The following EVC2 variants were observed in gnomAD, a reference collection of about 807,000 sequenced individuals.
EVC2 encodes the protein EvC ciliary complex subunit 2.
A neutral mutation model predicts 149.3 loss-of-function variants in EVC2; 148 were observed. The observed-to-expected ratio is 0.99, with a 90% CI of 0.87 to 1.14. The LOEUF is 1.14. Among genes scored for constraint, EVC2 ranks in the 50% most tolerant of loss-of-function variants. The probability of loss-of-function intolerance (pLI) is 0.00; values close to 1 mark genes in which losing one functional copy is unlikely to be tolerated. For synonymous variants in EVC2, 776 were observed against 649.9 expected (o/e 1.19, Z -2.95); for missense variants, 1,854 against 1,627.3 (o/e 1.14, Z -2.40).
chr4:5,663,016 G>T, intron 9 of EVC2, 91 bp downstream of exon 9: 1 of 1,516,882 alleles, frequency 6.6e-7, no homozygotes, highest in Non-Finnish European at 9.1e-7. Flanking sequence ...TTAACTGAAT[G>T]AATGAAATAT....
At chr4:5,533,474 G>C in the EVC2 span, among the ~76,000 whole-genome samples, 91 of 152,316 alleles carry the variant, frequency 6.0e-4, no homozygotes, top group African/African-American at 2.1e-3. Context: ...TCAGGGCATA[G>C]AAAGGAACGT....
intron 11 of EVC2, among the ~76,000 whole-genome samples, chr4:5,631,160 C>T (rs778844564): frequency 6.6e-6 from 1 of 152,196 alleles, no homozygotes; most frequent in Non-Finnish European, 1.5e-5. Flanking sequence ...TACACAAATC[C>T]ATCCAAGTAT....
At chr4:5,565,120 T>G in intron 21 of EVC2, 138 bp downstream of exon 21, 1 of 787,780 alleles carries the variant, frequency 1.3e-6, no homozygotes, top group Admixed American at 1.9e-5. Flanking sequence ...TGAATAAAGA[T>G]TTGTGGTCTT....
chr4:5,704,101 T>C (rs1227092829), intron 1 of EVC2, among the ~76,000 whole-genome samples: 1 of 151,922 alleles, frequency 6.6e-6, no homozygotes, highest in East Asian at 1.9e-4. Context: ...CCGTGATGAG[T>C]GGCATAATAG....
intron 12 of EVC2, among the ~76,000 whole-genome samples, 174 bp downstream of exon 12, chr4:5,628,385 C>A (rs1716274287): frequency 6.6e-6 from 1 of 152,134 alleles, no homozygotes; most frequent in African/African-American, 2.4e-5. Context: ...TGCCCTTCCA[C>A]CATGTTATGA....
rs1722350740 is a variant in EVC2, at chr4:5,708,343, C to A, written c.171G>T (p.Gly57=). The A allele has an allele frequency of 1.3e-6, 2 of 1,485,350 alleles. No individual in the cohort carries two copies. The highest frequency in any genetic ancestry group is 1.5e-5 in the African/African-American group (1 of 68,550). 92.0% of individuals were successfully genotyped at this position (1,485,350 alleles called of 1,614,324 possible). Reference sequence around the variant, plus strand: ...GCCCCGGAGGGATCCTCAGGCCGGGCCCAGACCTAGGAGCCACCTGGGGAT... The same window carrying A: ...GCCCCGGAGGGATCCTCAGGCCGGGACCAGACCTAGGAGCCACCTGGGGAT... ...PRDPQVAPRS[G]PGLRIPPGRS... The change falls in exon 1 of 22, where the codon GGG becomes GGT. Residue 57 remains glycine (G), a synonymous_variant. Transcript: ENST00000344408.
chr4:5,677,766 T>G lies in EVC2; in HGVS notation c.870+3494A>C, dbSNP rs974866959. Among the ~76,000 whole-genome samples the G allele has an allele frequency of 6.6e-6, 1 of 152,204 alleles. No individual in the cohort carries two copies. The highest frequency in any genetic ancestry group is 1.5e-5 in the Non-Finnish European group (1 of 68,040). ...TTTACCTGTTGAGTGCCACCTACAA[T>G]GTACCGCACAGTGGGGGACACAGGC... On this transcript the variant is annotated intron_variant, in intron 7 of 21. Coordinates refer to ENST00000344408, the MANE Select transcript of EVC2 (RefSeq NM_147127.5). The surrounding 1 kb of genome is among the most constrained non-coding windows in gnomAD (Gnocchi z 4.3).
At position 5,706,425 on chromosome 4, in the gene EVC2, GATAC is replaced by G. The variant is rs1560243744; in HGVS notation, c.228+1857_228+1860del. ...AGATAGATAGATACATAGATAGATAGATACATAGATAGATAGATAGATACATACA... is the reference window on the plus strand; with the variant it reads ...AGATAGATAGATACATAGATAGATAGATAGATAGATAGATAGATACATACA... On this transcript the variant is annotated intron_variant, in intron 1 of 21. Transcript: ENST00000344408. Among the ~76,000 whole-genome samples the G allele has an allele frequency of 1.3e-4, 11 of 84,104 alleles. 2 individuals carry two copies. The highest frequency in any genetic ancestry group is 4.3e-4 in the South Asian group (1 of 2,340). The allele number at this position is 84,104 out of a possible 152,430, so 55.2% of individuals were successfully genotyped here.
In EVC2 at chr4:5,627,315, T is replaced by C. The variant is rs527818833; in HGVS notation, c.1886+1244A>G. 5.3e-5 allele frequency among the ~76,000 whole-genome samples: 8 copies of C among 152,254 alleles called. No individual in the cohort carries two copies. In the South Asian group the frequency reaches 1.7e-3, roughly 31 times the overall value. On this transcript the variant is annotated intron_variant, in intron 12 of 21. Coordinates refer to ENST00000344408, the MANE Select transcript of EVC2 (RefSeq NM_147127.5). The stretch of plus-strand genomic sequence containing the variant: ...AAAGAAGAGATGAAGCATCTTTCCC[T>C]GGTGACTGCTCACAACCAGCTGGTG...
intron 9 of EVC2, among the ~76,000 whole-genome samples, chr4:5,645,747 G>T (rs985229963): frequency 6.6e-6 from 1 of 152,182 alleles, no homozygotes; most frequent in African/African-American, 2.4e-5. Context: ...CTTTACGACA[G>T]AATGATTTAT....
chr4:5,664,470 C>T (rs1176939305), intron 8 of EVC2, among the ~76,000 whole-genome samples: 2 of 152,140 alleles, frequency 1.3e-5, no homozygotes, highest in Non-Finnish European at 2.9e-5. Context: ...AATCCTGCTC[C>T]GACATCAAAG....
intron 19 of EVC2, among the ~76,000 whole-genome samples, chr4:5,570,704 T>G (rs1158726657): frequency 6.6e-6 from 1 of 152,184 alleles, no homozygotes; most frequent in Admixed American, 6.5e-5. Context: ...TGCATGTTTA[T>G]AGCAGCACGA....
At chr4:5,568,073 A>G (rs1285857216) in intron 20 of EVC2, among the ~76,000 whole-genome samples, 1 of 152,164 alleles carries the variant, frequency 6.6e-6, no homozygotes, top group East Asian at 1.9e-4. Context: ...ACATTTACAT[A>G]CCAACACACA....
Position 5,576,156 on chromosome 4 carries a change from A to G in EVC2, c.3272+84T>C. 6.2e-7 allele frequency: 1 copy of G among 1,607,042 alleles called. No individual in the cohort carries two copies. Among genetic ancestry groups the G allele is most frequent in the South Asian group, 1.1e-5 (1 of 90,596 alleles). On this transcript the variant is annotated intron_variant, in intron 18 of 21. Transcript: ENST00000344408. The surrounding 1 kb of genome is among the most constrained non-coding windows in gnomAD (Gnocchi z 4.5). ...CAAGAGGGTGAGAGCCCAGGTGGGT[A>G]TGGGTGGGCTGAGTTGGAGATGCCA...
At chr4:5,639,774 C>T (rs1458907600) in intron 10 of EVC2, among the ~76,000 whole-genome samples, 2 of 152,212 alleles carry the variant, frequency 1.3e-5, no homozygotes, top group Non-Finnish European at 2.9e-5. Context: ...ACGTGCTCTG[C>T]TATGAATGAA....
intron 16 of EVC2, among the ~76,000 whole-genome samples, chr4:5,608,664 G>C (rs1273513403): frequency 2.0e-5 from 3 of 152,024 alleles, no homozygotes; most frequent in African/African-American, 4.8e-5. Flanking sequence ...CTCCCAAGTA[G>C]CTGGGATTAC....
At chr4:5,602,791 C>T (rs568409171) in intron 16 of EVC2, among the ~76,000 whole-genome samples, 4 of 152,164 alleles carry the variant, frequency 2.6e-5, no homozygotes, top group African/African-American at 7.2e-5. Flanking sequence ...TAGAGTAAAT[C>T]CTCATCTTTT....
intron 16 of EVC2, among the ~76,000 whole-genome samples, chr4:5,588,347 T>G (rs28823031): frequency 0.017 from 2,626 of 152,304 alleles, 66 homozygotes; most frequent in African/African-American, 0.058. Context: ...TTGGAGCAAT[T>G]TGATTATGAT....
chr4:5,568,889 G>T (rs532805513), intron 19 of EVC2, among the ~76,000 whole-genome samples: 1 of 152,246 alleles, frequency 6.6e-6, no homozygotes, highest in Admixed American at 6.5e-5. Context: ...CACTGGGGCA[G>T]TACCCAAATC....
Sources: gnomAD v4.1 joint callset for allele counts (sites outside exome capture counted in the v4.1 genomes callset) on GRCh38, gnomAD v4.1.1 for gene constraint, Gnocchi (gnomAD v3.1) non-coding constraint, MANE v1.5 for transcripts, NCBI Gene and HGNC (gene_info 2026-07-23, HGNC 2026-07-21) for gene names.